The following ABI3BP variants were observed in gnomAD, a reference collection of about 807,000 sequenced individuals.
The protein encoded by ABI3BP is ABI family member 3 binding protein, also known as target of Nesh-SH3.
ABI3BP carries 216 observed loss-of-function variants against 268.6 expected under a neutral mutation model. The ratio of observed to expected loss-of-function variants is 0.80; its 90% CI spans 0.72 to 0.90. ABI3BP has a LOEUF of 0.90. Ranked by LOEUF, ABI3BP falls within the 40% of genes least tolerant of loss-of-function variation. The pLI is 0.00. For missense variants in ABI3BP, 2,090 were observed against 2,182.4 expected, an observed-to-expected ratio of 0.96 and a Z score of 0.84; for synonymous variants, 730 against 730.0, an observed-to-expected ratio of 1.00 and a Z score of 0.00.
At chr3:100,863,144 A>G (rs2099015485) in intron 12 of ABI3BP, 2 of 440,588 alleles carry the variant, frequency 4.5e-6, no homozygotes, top group South Asian at 7.3e-5. Flanking sequence ...TCTTCTTTCC[A>G]CCCTTATTAA....
At chr3:100,933,800 C>T (rs578131501) in intron 1 of ABI3BP, among the ~76,000 whole-genome samples, 52 of 151,856 alleles carry the variant, frequency 3.4e-4, no homozygotes, top group Admixed American at 3.2e-3. Flanking sequence ...TGCCCAACAT[C>T]TGGGTTTGGG....
rs563483316 is a variant in ABI3BP at position 100,820,363 on chromosome 3, T to G, written c.2948-60A>C. On this transcript the variant is annotated intron_variant, in intron 39 of 67. Transcript: ENST00000471714. ...CGTAGCTCCGAAGCTATGAGTAGCA[T>G]GACATACGGTTTGAGATCTCTTAAA... The G allele has an allele frequency of 2.3e-6, 3 of 1,308,690 alleles. No homozygotes were observed. In the South Asian group the frequency reaches 4.1e-5, roughly 18 times the overall value. 81.1% of individuals were successfully genotyped at this position (1,308,690 alleles called of 1,614,324 possible). A position where few individuals can be genotyped will look rare whatever the true frequency, so the allele number is the denominator to read the frequency against.
At chr3:100,964,462 C>T (rs1034051852) in intron 1 of ABI3BP, among the ~76,000 whole-genome samples, 16 of 152,148 alleles carry the variant, frequency 1.1e-4, no homozygotes, top group African/African-American at 1.4e-4. Flanking sequence ...CTATGGAGAG[C>T]GCTGTTGTTC....
chr3:100,989,834 A>G (rs1395543194), intron 1 of ABI3BP, among the ~76,000 whole-genome samples: 1 of 152,246 alleles, frequency 6.6e-6, no homozygotes, highest in Non-Finnish European at 1.5e-5. Context: ...TGGTGCCAAG[A>G]ATAAAGATTC....
In ABI3BP at chr3:100,750,760, T is replaced by G. The variant is rs1576435467; in HGVS notation, c.5246-150A>C. ...AACTGAGAGCAAGAAGTTCTGGTGTTTTTTCCTGAGGTGTAGTCATGGTTG... is the reference window on the plus strand; with the variant it reads ...AACTGAGAGCAAGAAGTTCTGGTGTGTTTTCCTGAGGTGTAGTCATGGTTG... On this transcript the variant is annotated intron_variant, in intron 67 of 67. Transcript: ENST00000471714. 8.3e-6 allele frequency: 5 copies of G among 604,066 alleles called. No individual in the cohort carries two copies. The Admixed American group carries it at 1.3e-4, about 16-fold the overall frequency. The allele number at this position is 604,066 out of a possible 1,614,324, so 37.4% of individuals were successfully genotyped here.
chr3:100,933,484 T>G (rs2064518539), intron 1 of ABI3BP, among the ~76,000 whole-genome samples: 1 of 151,746 alleles, frequency 6.6e-6, no homozygotes, highest in Non-Finnish European at 1.5e-5. Flanking sequence ...AATAATAAAG[T>G]CAATTCCTGT....
intron 57 of ABI3BP, 65 bp from the exon 58 acceptor site, chr3:100,780,274 A>G: frequency 6.8e-7 from 1 of 1,479,258 alleles, no homozygotes; most frequent in South Asian, 1.2e-5. Context: ...AACTTGGTAG[A>G]GTTGCCAGTA....
At chr3:100,799,363 T>G (rs7638032) in intron 51 of ABI3BP, among the ~76,000 whole-genome samples, 21,055 of 152,220 alleles carry the variant, frequency 0.14, 1,897 homozygotes, top group South Asian at 0.27. Flanking sequence ...ACATAACTTG[T>G]ACTGATCTAA....
chr3:100,794,869 G>C (rs1252332638), intron 54 of ABI3BP, 54 bp downstream of exon 54: 1 of 1,339,666 alleles, frequency 7.5e-7, no homozygotes, highest in Non-Finnish European at 1.0e-6. Context: ...GTTACTTTAA[G>C]GGAAATTCCT....
chr3:100,923,503 T>C (rs1355785484), intron 2 of ABI3BP, among the ~76,000 whole-genome samples: 1 of 152,194 alleles, frequency 6.6e-6, no homozygotes, highest in African/African-American at 2.4e-5. Context: ...ATAAGTGATA[T>C]ATTGATAAAA....
intron 29 of ABI3BP, 54 bp from the exon 30 acceptor site, chr3:100,833,211 A>T: frequency 1.4e-6 from 2 of 1,455,272 alleles, no homozygotes; most frequent in Admixed American, 2.0e-5. Flanking sequence ...TGTTAAACAC[A>T]CGAGAAAAGC....
intron 51 of ABI3BP, 33 bp downstream of exon 51, chr3:100,804,759 G>T (rs755065344): frequency 1.9e-6 from 3 of 1,575,882 alleles, no homozygotes; most frequent in East Asian, 4.5e-5. Context: ...ACAGTAGAAT[G>T]CATTTGGCTT....
intron 58 of ABI3BP, among the ~76,000 whole-genome samples, chr3:100,779,734 A>C (rs2096813669): frequency 6.6e-6 from 1 of 152,136 alleles, no homozygotes; most frequent in African/African-American, 2.4e-5. Flanking sequence ...TATTACATAG[A>C]TCATACTCTT....
intron 4 of ABI3BP, among the ~76,000 whole-genome samples, chr3:100,892,265 A>G (rs986619240): frequency 6.6e-6 from 1 of 152,196 alleles, no homozygotes; most frequent in Non-Finnish European, 1.5e-5. Context: ...CTCAAGGTAT[A>G]CTCCAGATGT....
At chr3:100,765,440 C>T (rs1192930465) in intron 63 of ABI3BP, among the ~76,000 whole-genome samples, 1 of 152,250 alleles carries the variant, frequency 6.6e-6, no homozygotes, top group Non-Finnish European at 1.5e-5. Context: ...CTTTCACCTA[C>T]ATTTTGTCAC....
chr3:100,768,284 T>G (rs112153120), intron 62 of ABI3BP, among the ~76,000 whole-genome samples: 25 of 152,102 alleles, frequency 1.6e-4, no homozygotes, highest in Non-Finnish European at 2.6e-4. Flanking sequence ...GAGACGGGGT[T>G]TCACCGTGTT....
chr3:100,760,539 A>C (rs990504170), intron 63 of ABI3BP, among the ~76,000 whole-genome samples: 18 of 152,164 alleles, frequency 1.2e-4, no homozygotes, highest in Non-Finnish European at 2.5e-4. Flanking sequence ...TCTGCTTGTT[A>C]TGGGATTGAG....
At chr3:100,968,074 C>T (rs555622404) in intron 1 of ABI3BP, among the ~76,000 whole-genome samples, 13 of 152,230 alleles carry the variant, frequency 8.5e-5, no homozygotes, top group Admixed American at 2.6e-4. Flanking sequence ...CTGCCATGGA[C>T]GAGCCTGGGG....
intron 50 of ABI3BP, among the ~76,000 whole-genome samples, chr3:100,806,242 T>C (rs758848653): frequency 6.6e-6 from 1 of 152,088 alleles, no homozygotes; most frequent in Non-Finnish European, 1.5e-5. Context: ...ATGAACAAAA[T>C]TTGTTGCGCT....
Sources: allele counts gnomAD v4.1 joint callset (sites outside exome capture counted in the v4.1 genomes callset), GRCh38; gene constraint gnomAD v4.1.1; transcripts MANE v1.5; gene names NCBI Gene and HGNC (gene_info 2026-07-23, HGNC 2026-07-21).